Variants in ARSG observed in about 807,000 individuals in gnomAD.
The protein encoded by ARSG is arylsulfatase G.
ARSG carries 37 observed loss-of-function variants against 50.5 expected under a neutral mutation model. The ratio of observed to expected loss-of-function variants is 0.73; its 90% CI spans 0.56 to 0.96. The LOEUF (loss-of-function observed/expected upper bound fraction) is 0.96. Ranked by LOEUF, ARSG falls within the 50% of genes least tolerant of loss-of-function variation. ARSG has a pLI of 0.00. For missense variants in ARSG, 629 were observed against 675.3 expected (o/e 0.93, Z 0.76); for synonymous variants, 225 against 254.6 (o/e 0.88, Z 1.11).
rs1481887000 is a variant in ARSG at position 68,327,563 on chromosome 17, GTC to G, written c.219-16035_219-16034del. Among the ~76,000 whole-genome samples, 10 of 152,140 alleles carry G rather than the reference GTC, an allele frequency of 6.6e-5. No individual in the cohort carries two copies. In the South Asian group the frequency reaches 1.9e-3, roughly 28 times the overall value. On this transcript the variant is annotated intron_variant, in intron 2 of 11. Coordinates refer to ENST00000621439, the MANE Select transcript of ARSG (RefSeq NM_001267727.2). ...GTCTTCGCAGCATTCTCTTCTCTGT[GTC>G]TCTCTGCTCTTCTAAAATAAGGACA...
At chr17:68,450,703 A>T in the ARSG span, 1 of 1,586,104 alleles carries the variant, frequency 6.3e-7, no homozygotes, top group Non-Finnish European at 8.6e-7. Context: ...GAAGCTTTGA[A>T]ACCCTGAGGG....
At chr17:68,321,522 A>G (rs545369488) in intron 2 of ARSG, among the ~76,000 whole-genome samples, 2 of 152,360 alleles carry the variant, frequency 1.3e-5, no homozygotes, top group African/African-American at 4.8e-5. Flanking sequence ...CCTTTAAATT[A>G]TGAATGGAAC....
At chr17:68,397,664 T>C (rs1251809402) in intron 10 of ARSG, among the ~76,000 whole-genome samples, 1 of 152,206 alleles carries the variant, frequency 6.6e-6, no homozygotes, top group Non-Finnish European at 1.5e-5. Context: ...CTATACATAC[T>C]TACATGTATG....
At chr17:68,408,568 A>G (rs1277824456) in intron 11 of ARSG, among the ~76,000 whole-genome samples, 2 of 152,080 alleles carry the variant, frequency 1.3e-5, no homozygotes, top group African/African-American at 4.8e-5. Context: ...TATTGTGAAT[A>G]ATGCTGCAAT....
chr17:68,346,816 T>C (rs1236769060), intron 3 of ARSG: 9 of 1,345,838 alleles, frequency 6.7e-6, no homozygotes, highest in Non-Finnish European at 8.8e-6. Context: ...CCATGTGGGG[T>C]TGCTGTGTCT....
At chr17:68,430,297 C>T in the ARSG span, 1 of 814,002 alleles carries the variant, frequency 1.2e-6, no homozygotes, top group Non-Finnish European at 1.9e-6. Flanking sequence ...GTTCTGCCCA[C>T]TGAGAACAAT....
the ARSG span, among the ~76,000 whole-genome samples, chr17:68,449,240 C>T: frequency 6.6e-6 from 1 of 152,200 alleles, no homozygotes; most frequent in Non-Finnish European, 1.5e-5. Flanking sequence ...ATTTAACAGT[C>T]AGTCAGGAAA....
intron 3 of ARSG, among the ~76,000 whole-genome samples, chr17:68,346,127 C>T (rs1402653801): frequency 2.6e-5 from 4 of 152,078 alleles, no homozygotes; most frequent in East Asian, 1.9e-4. Flanking sequence ...CCGCCTGCCT[C>T]GGCCTCCCAA....
At chr17:68,419,033 A>G (rs949038299) in intron 11 of ARSG, among the ~76,000 whole-genome samples, 2 of 151,816 alleles carry the variant, frequency 1.3e-5, no homozygotes, top group African/African-American at 4.8e-5. Flanking sequence ...AAAAAAAAAA[A>G]AGTCATCGGA....
intron 8 of ARSG, chr17:68,379,723 G>C (rs1284727860): frequency 3.0e-6 from 2 of 663,224 alleles, no homozygotes; most frequent in East Asian, 2.7e-4. Context: ...GGCAGTGTTA[G>C]GAATTCAATA....
intron 8 of ARSG, among the ~76,000 whole-genome samples, chr17:68,371,353 G>C (rs2079838214): frequency 6.6e-6 from 1 of 150,610 alleles, no homozygotes; most frequent in Non-Finnish European, 1.5e-5. Flanking sequence ...GAGAGGCTCA[G>C]AGAGGGTAAG....
intron 2 of ARSG, among the ~76,000 whole-genome samples, chr17:68,326,713 T>C (rs2077519263): frequency 6.6e-6 from 1 of 152,304 alleles, no homozygotes; most frequent in South Asian, 2.1e-4. Context: ...ACTCACCTTG[T>C]CTGGCTGGAG....
chr17:68,376,480 G>A (rs571675334), intron 8 of ARSG, among the ~76,000 whole-genome samples: 18 of 151,228 alleles, frequency 1.2e-4, no homozygotes, highest in South Asian at 4.2e-4. Flanking sequence ...TTGTAGAGAC[G>A]GGGTCTTGCT....
intron 1 of ARSG, among the ~76,000 whole-genome samples, chr17:68,283,826 C>T (rs1254931484): frequency 5.8e-5 from 8 of 137,608 alleles, no homozygotes; most frequent in East Asian, 2.2e-4. Flanking sequence ...TGTGGTGAGC[C>T]GAGATCGTGC....
intron 1 of ARSG, chr17:68,268,906 A>C: frequency 7.3e-7 from 1 of 1,368,232 alleles, no homozygotes; most frequent in Admixed American, 2.7e-5. Flanking sequence ...ACAAGCAAAA[A>C]AAAAAAGCTT....
At chr17:68,343,511 ACTG>A in intron 2 of ARSG, 90 bp from the exon 3 acceptor site, 1 of 1,217,662 alleles carries the variant, frequency 8.2e-7, no homozygotes, top group African/African-American at 1.5e-5. Context: ...ATCTTTGAGC[ACTG>A]AAATTGCAGG....
At chr17:68,349,603 G>A (rs926654855) in intron 4 of ARSG, among the ~76,000 whole-genome samples, 1 of 152,142 alleles carries the variant, frequency 6.6e-6, no homozygotes, top group Non-Finnish European at 1.5e-5. Context: ...CAACAAACAG[G>A]CTGGGCATGG....
chr17:68,450,969 TG>T, the ARSG span: 2 of 1,539,006 alleles, frequency 1.3e-6, no homozygotes, highest in Non-Finnish European at 1.7e-6. Flanking sequence ...TCCATGACAC[TG>T]GGCCCGGCGC....
intron 10 of ARSG, among the ~76,000 whole-genome samples, chr17:68,398,565 A>G (rs1157632798): frequency 6.6e-6 from 1 of 152,248 alleles, no homozygotes; most frequent in Non-Finnish European, 1.5e-5. Context: ...TTGGTTTAGA[A>G]ACACTTTCAG....
Sources: gnomAD v4.1 joint callset for allele counts (sites outside exome capture counted in the v4.1 genomes callset) on GRCh38, gnomAD v4.1.1 for gene constraint, MANE v1.5 for transcripts, NCBI Gene and HGNC (gene_info 2026-07-23, HGNC 2026-07-21) for gene names.